Variants in RARB observed in about 807,000 individuals in gnomAD.
RARB encodes HBV-activated protein.
Under a neutral mutation model 51.9 loss-of-function variants are expected in RARB, and 17 were observed. The ratio of observed to expected loss-of-function variants is 0.33; its 90% confidence interval spans 0.22 to 0.49. The LOEUF (loss-of-function observed/expected upper bound fraction) is 0.49. Ranked by LOEUF, RARB falls within the 20% of genes least tolerant of loss-of-function variation. The probability of loss-of-function intolerance (pLI) is 0.99; values close to 1 mark genes in which losing one functional copy is unlikely to be tolerated. For synonymous variants in RARB, 215 were observed against 195.4 expected (o/e 1.10, Z -0.84); for missense variants, 369 against 550.8 (o/e 0.67, Z 3.30).
In RARB at chr3:25,461,261, C is replaced by A; in HGVS notation, c.226C>A (p.Arg76=). 6.2e-7 allele frequency: 1 copy of A among 1,614,092 alleles called. No individual in the cohort carries two copies. Among genetic ancestry groups the A allele is most frequent in the Non-Finnish European group, 8.5e-7 (1 of 1,179,998 alleles). The stretch of plus-strand genomic sequence containing the variant: ...CCCCCCATCTCCACTTCCTCCCCCT[C>A]GAGTGTACAAACCCTGCTTCGTCTG... ...PSPPSPLPPP[R]VYKPCFVCQD... is the part of the protein sequence containing the mutation. Residue 76 remains arginine, a synonymous_variant, in exon 2 of 8, where the codon CGA becomes AGA. Transcript: ENST00000330688.
At chr3:25,266,747 C>A (rs563095992) in intron 5 of RARB, among the ~76,000 whole-genome samples, 37 of 152,224 alleles carry the variant, frequency 2.4e-4, no homozygotes, top group African/African-American at 7.9e-4. Context: ...AACTGGTGTC[C>A]TTTTAAAAGA....
chr3:25,542,861 G>A (rs1202883510), intron 3 of RARB, among the ~76,000 whole-genome samples: 1 of 152,214 alleles, frequency 6.6e-6, no homozygotes, highest in Admixed American at 6.5e-5. Context: ...TCTGTGAAGT[G>A]TTTAGTATTG....
chr3:25,508,283 A>G (rs1001198569), intron 3 of RARB, among the ~76,000 whole-genome samples: 2 of 152,208 alleles, frequency 1.3e-5, no homozygotes, highest in Non-Finnish European at 2.9e-5. Context: ...TACTTTAGAC[A>G]TGAACGTCCC....
At chr3:25,251,050 G>A (rs1431611603) in intron 5 of RARB, among the ~76,000 whole-genome samples, 1 of 152,172 alleles carries the variant, frequency 6.6e-6, no homozygotes, top group African/African-American at 2.4e-5. Context: ...TTCTCTGTTA[G>A]GTGTTCCATT....
intron 2 of RARB, among the ~76,000 whole-genome samples, chr3:24,903,999 C>T (rs1239740367): frequency 1.3e-5 from 2 of 152,092 alleles, no homozygotes; most frequent in Non-Finnish European, 2.9e-5. Context: ...TAAAGATGGC[C>T]TTGGTTTCTA....
intron 3 of RARB, among the ~76,000 whole-genome samples, chr3:25,565,811 A>G (rs1362166409): frequency 1.3e-5 from 2 of 151,010 alleles, no homozygotes; most frequent in East Asian, 2.0e-4. Flanking sequence ...ACAGTAGTCT[A>G]CCTCCTTCCC....
intron 3 of RARB, among the ~76,000 whole-genome samples, chr3:25,563,440 A>G (rs1700355310): frequency 6.6e-6 from 1 of 152,204 alleles, no homozygotes; most frequent in Non-Finnish European, 1.5e-5. Context: ...TTCAACTGGA[A>G]TTCACATGGC....
chr3:25,478,429 A>C (rs1239636049), intron 2 of RARB, among the ~76,000 whole-genome samples: 1 of 152,178 alleles, frequency 6.6e-6, no homozygotes, highest in Non-Finnish European at 1.5e-5. Flanking sequence ...TGTAGGAAAA[A>C]TATGCATCTC....
chr3:25,407,786 C>A (rs1341410745), intron 5 of RARB, among the ~76,000 whole-genome samples: 10 of 150,016 alleles, frequency 6.7e-5, no homozygotes, highest in African/African-American at 2.5e-5. Context: ...GCCATGAGAA[C>A]AACCTTGATC....
At chr3:24,845,410 C>A (rs1702474049) in intron 1 of RARB, among the ~76,000 whole-genome samples, 1 of 152,138 alleles carries the variant, frequency 6.6e-6, no homozygotes, top group African/African-American at 2.4e-5. Flanking sequence ...ATAACAAAGG[C>A]TCAGCTGTCT....
intron 2 of RARB, among the ~76,000 whole-genome samples, chr3:24,985,953 C>T (rs1696785827): frequency 1.3e-5 from 2 of 152,206 alleles, no homozygotes; most frequent in South Asian, 2.1e-4. Context: ...AGAGACTTAG[C>T]GCTCATCTGT....
At chr3:24,839,655 C>T (rs1299617654) in intron 1 of RARB, among the ~76,000 whole-genome samples, 3 of 133,766 alleles carry the variant, frequency 2.2e-5, no homozygotes, top group Admixed American at 8.9e-5. Context: ...TGCAGTGAGC[C>T]GAGATGCCAC....
chr3:25,220,754 C>G (rs1169830013), intron 5 of RARB, among the ~76,000 whole-genome samples: 3 of 152,154 alleles, frequency 2.0e-5, no homozygotes, highest in Non-Finnish European at 4.4e-5. Context: ...AAATCTCTTT[C>G]CTTTATAAAT....
At chr3:24,891,254 G>T (rs138961283) in intron 2 of RARB, among the ~76,000 whole-genome samples, 1 of 152,138 alleles carries the variant, frequency 6.6e-6, no homozygotes, top group East Asian at 1.9e-4. Context: ...TCCAAACTAG[G>T]CTATGAGTCT....
chr3:25,319,730 C>T (rs1177446708), intron 5 of RARB, among the ~76,000 whole-genome samples: 4 of 152,066 alleles, frequency 2.6e-5, no homozygotes, highest in African/African-American at 4.8e-5. Context: ...GATGATGAAA[C>T]GAACCCTGCA....
intron 2 of RARB, among the ~76,000 whole-genome samples, chr3:24,963,610 G>A (rs987865456): frequency 6.6e-6 from 1 of 151,694 alleles, no homozygotes; most frequent in Admixed American, 6.6e-5. Flanking sequence ...ACTGGCCTTG[G>A]AGAATTCAAG....
chr3:25,045,132 T>C (rs908723947), intron 2 of RARB, among the ~76,000 whole-genome samples: 16 of 152,176 alleles, frequency 1.1e-4, no homozygotes, highest in Admixed American at 2.0e-4. Context: ...TTCTAGGAAA[T>C]GACTGGCCTA....
At chr3:25,511,921 G>A (rs921463277) in intron 3 of RARB, among the ~76,000 whole-genome samples, 2 of 152,168 alleles carry the variant, frequency 1.3e-5, no homozygotes, top group African/African-American at 4.8e-5. Context: ...GCATCCGGGG[G>A]AACTGATGGA....
chr3:25,424,010 T>G (rs1707924595), upstream of RARB, among the ~76,000 whole-genome samples: 1 of 152,060 alleles, frequency 6.6e-6, no homozygotes, highest in Admixed American at 6.6e-5. Flanking sequence ...AATTCAGAAA[T>G]GTGGAAAGAG....
Sources: gnomAD v4.1 joint callset for allele counts (sites outside exome capture counted in the v4.1 genomes callset) on GRCh38, gnomAD v4.1.1 for gene constraint, MANE v1.5 for transcripts, NCBI Gene and HGNC (gene_info 2026-07-23, HGNC 2026-07-21) for gene names.